CCDC88A: variants seen among roughly 807,000 people sequenced by gnomAD.
The protein encoded by CCDC88A is girdin.
A neutral mutation model predicts 234.3 loss-of-function variants in CCDC88A; 54 were observed. The observed-to-expected ratio is 0.23, with a 90% CI of 0.19 to 0.29. The LOEUF is 0.29. CCDC88A is among the 10% of genes least tolerant of loss of function. CCDC88A has a pLI of 1.00. For synonymous variants in CCDC88A, 753 were observed against 737.8 expected (o/e 1.02, Z -0.33); for missense variants, 1,832 against 2,123.4 (o/e 0.86, Z 2.70).
intron 3 of CCDC88A, among the ~76,000 whole-genome samples, chr2:55,377,189 A>G (rs968597131): frequency 2.5e-4 from 30 of 121,402 alleles, no homozygotes; most frequent in African/African-American, 8.6e-4. Context: ...GACTGTCACT[A>G]TAGACTTTTT....
chr2:55,368,864 T>C (rs1317798271), intron 5 of CCDC88A, among the ~76,000 whole-genome samples: 2 of 152,180 alleles, frequency 1.3e-5, no homozygotes, highest in African/African-American at 4.8e-5. Flanking sequence ...ATTCCAACAA[T>C]ACTTGTTGGC....
At chr2:55,387,949 T>C (rs114466060) in intron 3 of CCDC88A, among the ~76,000 whole-genome samples, 35 of 152,266 alleles carry the variant, frequency 2.3e-4, no homozygotes, top group African/African-American at 7.2e-4. Flanking sequence ...CATCATCATA[T>C]GGGATATTTC....
chr2:55,415,731 T>C (rs139194165), intron 2 of CCDC88A, among the ~76,000 whole-genome samples: 160 of 152,180 alleles, frequency 1.1e-3, no homozygotes, highest in African/African-American at 3.3e-3. Context: ...CCAAAGATAG[T>C]GAAAGAACCA....
intron 2 of CCDC88A, among the ~76,000 whole-genome samples, chr2:55,411,312 T>C (rs1381880206): frequency 6.6e-6 from 1 of 152,094 alleles, no homozygotes; most frequent in Non-Finnish European, 1.5e-5. Flanking sequence ...AGAGAAAATT[T>C]TCAGTTAAAA....
intron 2 of CCDC88A, among the ~76,000 whole-genome samples, chr2:55,397,737 C>G (rs1240766550): frequency 6.6e-6 from 1 of 151,884 alleles, no homozygotes; most frequent in Non-Finnish European, 1.5e-5. Flanking sequence ...TCCAATATTC[C>G]TCACATGATA....
intron 30 of CCDC88A, 21 bp downstream of exon 30, chr2:55,296,237 G>T: frequency 6.2e-7 from 1 of 1,604,508 alleles, no homozygotes. Flanking sequence ...CTAAATTAAG[G>T]TCATCATAGA....
chr2:55,310,027 A>G (rs1399969002), intron 23 of CCDC88A, among the ~76,000 whole-genome samples: 1 of 152,212 alleles, frequency 6.6e-6, no homozygotes, highest in East Asian at 1.9e-4. Context: ...AAGCCCCATG[A>G]AGAAAAAGGC....
intron 2 of CCDC88A, among the ~76,000 whole-genome samples, chr2:55,401,345 G>A (rs181434481): frequency 1.0e-4 from 15 of 148,810 alleles, no homozygotes; most frequent in Admixed American, 4.1e-4. Context: ...AAGACAGGAG[G>A]ATCACTTGAG....
intron 21 of CCDC88A, among the ~76,000 whole-genome samples, chr2:55,316,524 G>A (rs967189083): frequency 6.6e-6 from 1 of 152,186 alleles, no homozygotes; most frequent in African/African-American, 2.4e-5. Flanking sequence ...GTGAGCAACC[G>A]TGGGGATCAC....
chr2:55,329,810 A>T (rs1018421140), intron 16 of CCDC88A: 2 of 152,324 alleles, frequency 1.3e-5, no homozygotes, highest in Non-Finnish European at 2.9e-5. Flanking sequence ...CCCAGGCTGG[A>T]GTGCAGTGGC....
intron 7 of CCDC88A, among the ~76,000 whole-genome samples, chr2:55,357,232 T>G (rs1203839194): frequency 6.8e-6 from 1 of 147,606 alleles, no homozygotes; most frequent in African/African-American, 2.7e-5. Context: ...CCACATCTTA[T>G]GCTCTAATAG....
chr2:55,404,650 T>C (rs181202172), intron 2 of CCDC88A: 22 of 152,356 alleles, frequency 1.4e-4, no homozygotes, highest in East Asian at 7.7e-4. Context: ...GAATTATTAA[T>C]AGTCAAGTTA....
At chr2:55,368,566 C>T (rs1672355785) in intron 5 of CCDC88A, among the ~76,000 whole-genome samples, 1 of 151,850 alleles carries the variant, frequency 6.6e-6, no homozygotes, top group Non-Finnish European at 1.5e-5. Context: ...TCAAGCAATC[C>T]TCCTGCCTCA....
intron 12 of CCDC88A, among the ~76,000 whole-genome samples, chr2:55,341,768 C>G (rs1270486822): frequency 6.6e-6 from 1 of 152,132 alleles, no homozygotes; most frequent in Non-Finnish European, 1.5e-5. Flanking sequence ...TTATGACTGA[C>G]AAATATTCCA....
intron 3 of CCDC88A, 117 bp downstream of exon 3, chr2:55,388,661 A>T (rs143351311): frequency 1.9e-6 from 1 of 521,872 alleles, no homozygotes; most frequent in East Asian, 3.6e-5. Context: ...AACTCTAGCA[A>T]ATAGATCAGA....
chr2:55,402,728 G>A (rs62138071), intron 2 of CCDC88A, among the ~76,000 whole-genome samples: 75,874 of 150,256 alleles, frequency 0.5, 21,207 homozygotes, highest in Admixed American at 0.63. Flanking sequence ...AAAAAAAACC[G>A]GCCAGGCGTG....
Position 55,334,776 on chromosome 2 carries a change from A to G in CCDC88A, c.2045T>C (p.Phe682Ser), listed in dbSNP as rs374555576. ...NRKLKKTLDS[F>S]KNLTFQLESL... is the part of the protein sequence containing the mutation. The stretch of plus-strand genomic sequence containing the variant: ...TTCTAACTGAAAGGTCAGATTTTTA[A>G]AGCTATCCAATGTTTTTTTTAATTT... Residue 682 changes from phenylalanine (F) to serine (S), a missense_variant, in exon 15 of 33, where the codon TTT becomes TCT. This residue lies in a region of CCDC88A where 1,282 missense variants were observed against 1,543.6 expected (regional missense o/e 0.83). Coordinates refer to ENST00000436346, the MANE Select transcript of CCDC88A (RefSeq NM_001365480.1). The surrounding 1 kb of genome is among the most constrained non-coding windows in gnomAD (Gnocchi z 6.1). The G allele has an allele frequency of 7.5e-6, 12 of 1,601,440 alleles. No homozygotes were observed. The highest frequency in any genetic ancestry group is 1.0e-5 in the Non-Finnish European group (12 of 1,175,542).
chr2:55,295,118 T>C, intron 31 of CCDC88A: 1 of 1,305,182 alleles, frequency 7.7e-7, no homozygotes, highest in Non-Finnish European at 1.0e-6. Flanking sequence ...AAACCAACAA[T>C]GCAGCTTCTG....
At chr2:55,367,539 A>ATTTTTT (rs1672200817) in intron 5 of CCDC88A, among the ~76,000 whole-genome samples, 2 of 10,516 alleles carry the variant, frequency 1.9e-4, no homozygotes, top group Non-Finnish European at 3.1e-4. Flanking sequence ...TTTTTTTTTA[A>ATTTTTT]GAGACTGGGT....
Sources: gnomAD v4.1 joint callset for allele counts (sites outside exome capture counted in the v4.1 genomes callset) on GRCh38, gnomAD v4.1.1 for gene constraint, gnomAD v4.1.1 regional missense constraint, Gnocchi (gnomAD v3.1) non-coding constraint, MANE v1.5 for transcripts, NCBI Gene and HGNC (gene_info 2026-07-23, HGNC 2026-07-21) for gene names.